MACF1: variants seen among roughly 807,000 people sequenced by gnomAD.
The protein encoded by MACF1 is microtubule-actin cross-linking factor 1.
MACF1 carries 193 observed loss-of-function variants against 854.8 expected under a neutral mutation model. That is an observed-to-expected ratio of 0.23 (90% CI 0.20 to 0.25). The LOEUF (loss-of-function observed/expected upper bound fraction) is 0.25, where lower values mean the gene tolerates loss of function less well. Among genes scored for constraint, MACF1 ranks in the 10% least tolerant of loss-of-function variants. The pLI, the probability that MACF1 is intolerant of heterozygous loss-of-function variation, is 1.00. For synonymous variants in MACF1, 3,185 were observed against 3,226.7 expected, an observed-to-expected ratio of 0.99 and a Z score of 0.44; for missense variants, 7,722 against 8,929.1, an observed-to-expected ratio of 0.86 and a Z score of 5.45.
At chr1:39,205,669 CTG>C (rs1204947885) in intron 1 of MACF1, among the ~76,000 whole-genome samples, 2 of 152,062 alleles carry the variant, frequency 1.3e-5, no homozygotes, top group Non-Finnish European at 2.9e-5. Flanking sequence ...CACTGGGTGT[CTG>C]TGTTCTCTTT....
intron 2 of MACF1, among the ~76,000 whole-genome samples, chr1:39,127,623 C>G (rs1642892364): frequency 6.6e-6 from 1 of 152,164 alleles, no homozygotes; most frequent in Admixed American, 6.5e-5. Context: ...ACTTTTCCTT[C>G]ACTTCCTTGA....
chr1:39,194,713 C>G (rs1437105431), intron 2 of MACF1, among the ~76,000 whole-genome samples: 19 of 128,134 alleles, frequency 1.5e-4, no homozygotes, highest in Non-Finnish European at 2.6e-4. Flanking sequence ...CTTCCCTTCT[C>G]TATTGTCTTG....
At position 39,317,424 on chromosome 1, in the gene MACF1, C is replaced by A. The variant is rs1318773810; in HGVS notation, c.3782+17C>A. On this transcript the variant is annotated intron_variant, in intron 29 of 100. Transcript: ENST00000564288. Reference sequence around the variant, plus strand: ...CGAGATTCGGTGAGTGGTGGCCCCACCTTTTTCTCCTATTAGAGTTCAGGG... The same window carrying A: ...CGAGATTCGGTGAGTGGTGGCCCCAACTTTTTCTCCTATTAGAGTTCAGGG... 2 of 1,608,666 alleles carry A rather than the reference C, an allele frequency of 1.2e-6. No individual in the cohort carries two copies. Among genetic ancestry groups the A allele is most frequent in the African/African-American group, 2.7e-5 (2 of 74,512 alleles).
chr1:39,279,117 G>A (rs1571257712), intron 6 of MACF1, among the ~76,000 whole-genome samples: 1 of 152,162 alleles, frequency 6.6e-6, no homozygotes, highest in Non-Finnish European at 1.5e-5. Context: ...TGATTTGTAG[G>A]ATGGGCTTAT....
intron 2 of MACF1, among the ~76,000 whole-genome samples, chr1:39,241,133 T>G (rs1644918394): frequency 6.6e-6 from 1 of 152,022 alleles, no homozygotes; most frequent in South Asian, 2.1e-4. Flanking sequence ...GTTTTTACAA[T>G]TTGGAGATCT....
Position 39,324,230 on chromosome 1 carries a change from A to C in MACF1, c.4274A>C (p.Lys1425Thr). 4.3e-6 allele frequency: 7 copies of C among 1,612,194 alleles called. No individual in the cohort carries two copies. The Middle Eastern group carries it at 1.2e-3, about 266-fold the overall frequency. Residue 1425 changes from lysine to threonine, a missense_variant, in exon 34 of 101, where the codon AAG becomes ACG. Lys to Thr is a moderately conservative substitution (Grantham distance 78). Around this residue, in one of 15 missense-constraint regions of MACF1, gnomAD observed 1,137 missense variants for 1,263.0 expected, o/e 0.90. Transcript: ENST00000564288. ...VEEEKQEHVEKVKELLGWVST... is the reference protein window; with the variant it reads ...VEEEKQEHVETVKELLGWVST... ...GAGGAGAAACAAGAACATGTGGAGA[A>C]GGTTAAAGAACTTTTGGGCTGGGTG...
At chr1:39,384,415 A>C (rs557732485) in intron 56 of MACF1, among the ~76,000 whole-genome samples, 10 of 152,200 alleles carry the variant, frequency 6.6e-5, no homozygotes, top group African/African-American at 2.2e-4. Context: ...TTTAATCCTT[A>C]TAACAGCCAA....
At chr1:39,306,558 C>T (rs1019409762) in intron 23 of MACF1, among the ~76,000 whole-genome samples, 3 of 151,510 alleles carry the variant, frequency 2.0e-5, no homozygotes, top group African/African-American at 7.3e-5. Context: ...GGCCAAACAC[C>T]ACAGGCAATT....
At chr1:39,160,537 G>C (rs956262675) in intron 2 of MACF1, among the ~76,000 whole-genome samples, 1 of 152,106 alleles carries the variant, frequency 6.6e-6, no homozygotes, top group Non-Finnish European at 1.5e-5. Context: ...CTGTATAATA[G>C]TCTTTATAGC....
intron 34 of MACF1, 49 bp downstream of exon 34, chr1:39,324,394 A>T: frequency 6.3e-7 from 1 of 1,593,994 alleles, no homozygotes; most frequent in Non-Finnish European, 8.6e-7. Context: ...AATATGTGAT[A>T]ATACATTAGG....
chr1:39,361,391 G>A lies in MACF1; in HGVS notation c.12485G>A (p.Ser4162Asn). ...AAGCAGGACATTGCTCGGCAAAAGAGCAGCTTGGAGGCCACCCGTGAGATG... is the reference window on the plus strand; with the variant it reads ...AAGCAGGACATTGCTCGGCAAAAGAACAGCTTGGAGGCCACCCGTGAGATG... ...KLKQDIARQK[S>N]SLEATREMVT... The change falls in exon 49 of 101, where the codon AGC (serine) becomes AAC (asparagine). Residue 4162 changes from serine (S) to asparagine (N), a missense_variant. Physicochemically the swap from Ser to Asn is conservative, Grantham distance 46 (BLOSUM62 1). Around this residue, in one of 15 missense-constraint regions of MACF1, gnomAD observed 2,807 missense variants for 3,235.8 expected, o/e 0.87. Transcript: ENST00000564288. 1 of 1,613,726 alleles carries A rather than the reference G, an allele frequency of 6.2e-7. No homozygotes were observed. The highest frequency in any genetic ancestry group is 8.5e-7 in the Non-Finnish European group (1 of 1,179,746).
chr1:39,410,583 T>C (rs1046846770), intron 58 of MACF1: 2 of 1,613,886 alleles, frequency 1.2e-6, no homozygotes, highest in African/African-American at 2.7e-5. Flanking sequence ...AGCTAAGCAG[T>C]GATGTGCAGA....
In MACF1 at chr1:39,360,717, A is replaced by T. The variant is rs894253884; in HGVS notation, c.12245-76A>T. ...AATTTTTATTATTTATTATTTAATA[A>T]TATTAATAATAAAGTCTTTAAAAGC... is the stretch of plus-strand genomic sequence containing the variant. On this transcript the variant is annotated intron_variant, in intron 47 of 100. Coordinates refer to ENST00000564288, the MANE Select transcript of MACF1 (RefSeq NM_001394062.1). The T allele has an allele frequency of 1.7e-4, 59 of 355,242 alleles. No individual in the cohort carries two copies. The African/African-American group carries it at 2.2e-3, about 13-fold the overall frequency. 22.0% of individuals were successfully genotyped at this position (355,242 alleles called of 1,614,324 possible). A position where few individuals can be genotyped will look rare whatever the true frequency, so the allele number is the denominator to read the frequency against.
At chr1:39,255,837 G>A (rs563633383) in intron 5 of MACF1, among the ~76,000 whole-genome samples, 1 of 152,264 alleles carries the variant, frequency 6.6e-6, no homozygotes, top group East Asian at 1.9e-4. Context: ...AGGAAGCTGG[G>A]GTGGGGGCCT....
chr1:39,245,401 C>T (rs1029367452), intron 2 of MACF1, among the ~76,000 whole-genome samples: 1 of 152,174 alleles, frequency 6.6e-6, no homozygotes, highest in African/African-American at 2.4e-5. Context: ...GTGTCTCAGC[C>T]TCCTGAGTAG....
At chr1:39,256,348 G>C (rs1645095913) in intron 5 of MACF1, among the ~76,000 whole-genome samples, 1 of 152,100 alleles carries the variant, frequency 6.6e-6, no homozygotes, top group Non-Finnish European at 1.5e-5. Context: ...TTGAATTCTC[G>C]GGGAGGGGAC....
chr1:39,228,028 A>G (rs1419376478), intron 1 of MACF1, among the ~76,000 whole-genome samples: 2 of 152,164 alleles, frequency 1.3e-5, no homozygotes, highest in Admixed American at 1.3e-4. Context: ...TCTCTTATTT[A>G]AAGAATAAAT....
intron 83 of MACF1, 43 bp downstream of exon 83, chr1:39,448,195 G>C (rs770736708): frequency 6.4e-7 from 1 of 1,571,290 alleles, no homozygotes; most frequent in South Asian, 1.2e-5. Flanking sequence ...CATAGTATTC[G>C]CTAAAGCTTG....
At position 39,317,304 on chromosome 1, in the gene MACF1, A is replaced by T; in HGVS notation, c.3679A>T (p.Ser1227Cys). The T allele has an allele frequency of 6.2e-7, 1 of 1,614,126 alleles. No individual in the cohort carries two copies. The highest frequency in any genetic ancestry group is 8.5e-7 in the Non-Finnish European group (1 of 1,180,020). The change falls in exon 29 of 101, where the codon AGT (serine) becomes TGT (cysteine). Residue 1227 changes from serine to cysteine, a missense_variant. Ser to Cys is a moderately radical substitution (Grantham distance 112). Transcript: ENST00000564288. ...GGCCAAGGTAGTGGCAGAGCAGATG[A>T]GTCGTCTGACACCAGAGCGAAATCT... ...AKAKVVAEQMSRLTPERNLDL... is the reference protein window; with the variant it reads ...AKAKVVAEQMCRLTPERNLDL...
Sources: allele counts gnomAD v4.1 joint callset (sites outside exome capture counted in the v4.1 genomes callset), GRCh38; gene constraint gnomAD v4.1.1; regional missense constraint gnomAD v4.1.1; transcripts MANE v1.5; gene names NCBI Gene and HGNC (gene_info 2026-07-23, HGNC 2026-07-21).